FAM83B: variants seen among roughly 807,000 people sequenced by gnomAD.
The protein encoded by FAM83B is scaffolding CK1 anchoring protein B, also known as protein FAM83B.
In FAM83B, 26 loss-of-function variants were observed where a neutral mutation model predicts 38.8. The observed-to-expected ratio is 0.67, with a 90% CI of 0.49 to 0.93. FAM83B has a LOEUF of 0.93. FAM83B is among the 40% of genes least tolerant of loss of function. FAM83B has a pLI of 0.00. For synonymous variants in FAM83B, 419 were observed against 423.1 expected, an observed-to-expected ratio of 0.99 and a Z score of 0.12; for missense variants, 1,237 against 1,197.3, an observed-to-expected ratio of 1.03 and a Z score of -0.49.
intron 2 of FAM83B, among the ~76,000 whole-genome samples, chr6:54,901,095 A>T (rs1772650871): frequency 6.6e-6 from 1 of 152,206 alleles, no homozygotes; most frequent in Non-Finnish European, 1.5e-5. Context: ...CTGTTTATTT[A>T]TCTAGCCAAG....
At chr6:54,892,504 T>C (rs1772429256) in intron 2 of FAM83B, among the ~76,000 whole-genome samples, 1 of 151,944 alleles carries the variant, frequency 6.6e-6, no homozygotes, top group Non-Finnish European at 1.5e-5. Flanking sequence ...CTCCCACTTA[T>C]AAGTGAGAAC....
intron 1 of FAM83B, among the ~76,000 whole-genome samples, chr6:54,855,764 G>A (rs1021268420): frequency 1.3e-5 from 2 of 152,176 alleles, no homozygotes; most frequent in Non-Finnish European, 2.9e-5. Flanking sequence ...ACCAAAAAGT[G>A]GGGGCAGGAG....
At chr6:54,918,503 G>C (rs1773096569) in intron 2 of FAM83B, among the ~76,000 whole-genome samples, 1 of 152,118 alleles carries the variant, frequency 6.6e-6, no homozygotes, top group South Asian at 2.1e-4. Context: ...TGGCAGAAGG[G>C]AAAGCAAACA....
rs951379999 is a variant in FAM83B, at chr6:54,942,821, T to C, written c.*814T>C. On this transcript the variant is annotated 3_prime_UTR_variant, in exon 5 of 5. Transcript: ENST00000306858. Reference sequence around the variant, plus strand: ...CCTCCTTTTTCTATTGTATAAAAGCTTTTAGAAATGTAAATTTCTGCCTAA... The same window carrying C: ...CCTCCTTTTTCTATTGTATAAAAGCCTTTAGAAATGTAAATTTCTGCCTAA... 5.3e-5 allele frequency among the ~76,000 whole-genome samples: 8 copies of C among 152,042 alleles called. No individual in the cohort carries two copies. The highest frequency in any genetic ancestry group is 5.2e-4 in the Admixed American group (8 of 15,272).
Position 54,941,588 on chromosome 6 carries a change from G to T in FAM83B, c.2617G>T (p.Val873Phe). The change falls in exon 5 of 5, where the codon GTT becomes TTT. Residue 873 changes from valine (V) to phenylalanine (F), a missense_variant. Transcript: ENST00000306858. ...ENKRTPSPGP[V>F]ESKFLERAGD... is the part of the protein sequence containing the mutation. ...TAAAAGAACACCTTCTCCAGGTCCA[G>T]TTGAAAGCAAGTTCTTGGAAAGGGC... The T allele has an allele frequency of 6.2e-7, 1 of 1,614,116 alleles. No individual in the cohort carries two copies. Among genetic ancestry groups the T allele is most frequent in the Admixed American group, 1.7e-5 (1 of 59,982 alleles).
In FAM83B at chr6:54,941,837, A is replaced by G. The variant is rs1279563726; in HGVS notation, c.2866A>G (p.Thr956Ala). ...TCAGCCAACAAGCAACATGCCAAAT[A>G]CCAGTATAAATCGCCCAGAAATAAA... ...SIQPTSNMPN[T>A]SINRPEIKSA... The change falls in exon 5 of 5, where the codon ACC (threonine) becomes GCC (alanine). Residue 956 changes from threonine (T) to alanine (A), a missense_variant. Thr to Ala is a moderately conservative substitution (Grantham distance 58). Coordinates refer to ENST00000306858, the MANE Select transcript of FAM83B (RefSeq NM_001010872.3). 1.2e-6 allele frequency: 2 copies of G among 1,613,988 alleles called. No individual in the cohort carries two copies. Among genetic ancestry groups the G allele is most frequent in the African/African-American group, 1.3e-5 (1 of 74,920 alleles).
intron 2 of FAM83B, among the ~76,000 whole-genome samples, chr6:54,918,238 T>C (rs1360501882): frequency 6.6e-6 from 1 of 152,172 alleles, no homozygotes; most frequent in African/African-American, 2.4e-5. Context: ...AATCTATTTC[T>C]CCTTACATTT....
chr6:54,927,520 C>T lies in FAM83B; in HGVS notation c.622C>T (p.Arg208Ter), dbSNP rs754843324. The T allele has an allele frequency of 1.5e-5, 24 of 1,595,762 alleles. No individual in the cohort carries two copies. Among genetic ancestry groups the T allele is most frequent in the East Asian group, 6.8e-5 (3 of 44,402 alleles). The stretch of plus-strand genomic sequence containing the variant: ...CATATAATTCTAGAATATTCGAGTG[C>T]GAACAGTAAAAGGCCAAGATTATCT... ...SVQRLRNIRV[R>*]TVKGQDYLSK... The change falls in exon 4 of 5, where the codon CGA becomes TGA. Residue 208 changes from arginine to a stop codon, truncating the protein, a stop_gained. Transcript: ENST00000306858. LOFTEE classifies it high-confidence loss of function.
intron 4 of FAM83B, among the ~76,000 whole-genome samples, chr6:54,934,374 A>T (rs1413722612): frequency 6.6e-6 from 1 of 152,178 alleles, no homozygotes; most frequent in African/African-American, 2.4e-5. Flanking sequence ...GGAAATGCTT[A>T]TCAACGTTTG....
rs761888739 is a variant in FAM83B at position 54,926,371 on chromosome 6, G to T, written c.445G>T (p.Val149Phe). 1.3e-6 allele frequency: 2 copies of T among 1,566,666 alleles called. No homozygotes were observed. Among genetic ancestry groups the T allele is most frequent in the Non-Finnish European group, 1.7e-6 (2 of 1,151,574 alleles). The change falls in exon 3 of 5, where the codon GTC becomes TTC. Residue 149 changes from valine (V) to phenylalanine (F), a missense_variant and splice_region_variant. Val to Phe is a conservative substitution (Grantham distance 50, BLOSUM62 -1). Coordinates refer to ENST00000306858, the MANE Select transcript of FAM83B (RefSeq NM_001010872.3). ...TGTTTCATATTCTTATATTTAACAG[G>T]TCATTGCTTTAGTGATGGATATATT... is the stretch of plus-strand genomic sequence containing the variant. ...IRKMIKEARK[V>F]IALVMDIFTD...
At chr6:54,867,435 C>T (rs1488505690) in intron 1 of FAM83B, among the ~76,000 whole-genome samples, 1 of 151,992 alleles carries the variant, frequency 6.6e-6, no homozygotes, top group Non-Finnish European at 1.5e-5. Context: ...GTGGCTGGAA[C>T]ATAGCCTCTC....
At position 54,940,659 on chromosome 6, in the gene FAM83B, C is replaced by T; in HGVS notation, c.1688C>T (p.Ser563Phe). The change falls in exon 5 of 5, where the codon TCC becomes TTC. Residue 563 changes from serine to phenylalanine, a missense_variant. By Grantham distance (155) the Ser-to-Phe change is radical. Transcript: ENST00000306858. ...QKEVNSCTTG[S>F]SNSTIIGSQG... is the part of the protein sequence containing the mutation. ...GAAGTTAACAGTTGTACAACTGGCTCCTCAAATTCAACTATCATTGGTTCT... is the reference window on the plus strand; with the variant it reads ...GAAGTTAACAGTTGTACAACTGGCTTCTCAAATTCAACTATCATTGGTTCT... 6.2e-7 allele frequency: 1 copy of T among 1,614,008 alleles called. No homozygotes were observed. The highest frequency in any genetic ancestry group is 8.5e-7 in the Non-Finnish European group (1 of 1,180,002).
chr6:54,940,299 G>GT lies in FAM83B; in HGVS notation c.1332dup (p.Ala445CysfsTer24), dbSNP rs1773639960. ...AGCCACCACAACACACCTGCCCAGA[G>GT]TTTTGCCAATCGGCTTGCGCAGAGA... On this transcript the variant is annotated frameshift_variant, in exon 5 of 5. Transcript: ENST00000306858. LOFTEE classifies it low-confidence loss of function (END_TRUNC). The GT allele has an allele frequency of 6.2e-7, 1 of 1,614,088 alleles. No homozygotes were observed. The highest frequency in any genetic ancestry group is 8.5e-7 in the Non-Finnish European group (1 of 1,180,014).
chr6:54,864,518 T>C (rs1447160090), intron 1 of FAM83B, among the ~76,000 whole-genome samples: 3 of 152,208 alleles, frequency 2.0e-5, no homozygotes, highest in Non-Finnish European at 4.4e-5. Context: ...GACTGTAATC[T>C]GTGCTATTGG....
At chr6:54,846,658 C>A (rs1417948989), upstream of FAM83B, 2 of 152,208 alleles carry the variant, frequency 1.3e-5, no homozygotes, top group Non-Finnish European at 2.9e-5. Flanking sequence ...CACCTTGTCT[C>A]GGGGAGGCGC....
At chr6:54,912,998 G>A (rs540444831) in intron 2 of FAM83B, among the ~76,000 whole-genome samples, 25 of 151,976 alleles carry the variant, frequency 1.6e-4, no homozygotes, top group African/African-American at 5.8e-4. Flanking sequence ...TTACATTTAA[G>A]TTTTTTACTC....
intron 1 of FAM83B, among the ~76,000 whole-genome samples, chr6:54,863,369 C>G (rs1029072529): frequency 2.6e-5 from 4 of 152,146 alleles, no homozygotes; most frequent in African/African-American, 7.2e-5. Context: ...CACTTGAGGG[C>G]CTTTGTCTCA....
chr6:54,875,162 A>C (rs1272548121), intron 2 of FAM83B, among the ~76,000 whole-genome samples: 1 of 152,166 alleles, frequency 6.6e-6, no homozygotes, highest in South Asian at 2.1e-4. Context: ...ACATTTTTTA[A>C]ATCTGGTGTT....
rs1311080612 is a variant in FAM83B, at chr6:54,944,709, ATATCTGTGTTCTGCCT to A, written c.*2706_*2721del. On this transcript the variant is annotated 3_prime_UTR_variant, in exon 5 of 5. Transcript: ENST00000306858. ...CCACAGATATTCACAGAACACAGAA[ATATCTGTGTTCTGCCT>A]TATGCCTGTGGCTAAGGGATGCAAA... The A allele has an allele frequency of 6.6e-6, 1 of 152,164 alleles. No homozygotes were observed. Among genetic ancestry groups the A allele is most frequent in the Non-Finnish European group, 1.5e-5 (1 of 68,022 alleles). The allele number at this position is 152,164 out of a possible 1,614,324, so 9.4% of individuals were successfully genotyped here.
Sources: allele counts gnomAD v4.1 joint callset (sites outside exome capture counted in the v4.1 genomes callset), GRCh38; gene constraint gnomAD v4.1.1; transcripts MANE v1.5; gene names NCBI Gene and HGNC (gene_info 2026-07-23, HGNC 2026-07-21).